Variants in VCL observed in about 807,000 individuals in gnomAD.
VCL encodes vinculin, also known as epididymis luminal protein 114.
A neutral mutation model predicts 125.7 loss-of-function variants in VCL; 47 were observed. The ratio of observed to expected loss-of-function variants is 0.37; its 90% CI spans 0.30 to 0.48. VCL has a LOEUF of 0.48. VCL is among the 20% of genes least tolerant of loss of function. The pLI is 0.99. For missense variants in VCL, 1,069 were observed against 1,455.5 expected (o/e 0.73, Z 4.32); for synonymous variants, 458 against 514.6 (o/e 0.89, Z 1.49).
At chr10:74,099,872 CAA>C (rs1017359623) in intron 13 of VCL, among the ~76,000 whole-genome samples, 1 of 152,162 alleles carries the variant, frequency 6.6e-6, no homozygotes, top group Non-Finnish European at 1.5e-5. Flanking sequence ...TAAATCCAAA[CAA>C]GAGGCTGGCG....
chr10:74,091,958 G>C (rs559230260), intron 10 of VCL, among the ~76,000 whole-genome samples: 1 of 152,058 alleles, frequency 6.6e-6, no homozygotes, highest in South Asian at 2.1e-4. Flanking sequence ...TGCCAGGCTG[G>C]AGTGCAGTGG....
intron 1 of VCL, among the ~76,000 whole-genome samples, chr10:74,040,246 C>T (rs528604336): frequency 2.3e-4 from 35 of 152,258 alleles, no homozygotes; most frequent in African/African-American, 7.2e-4. Context: ...CTGTAAGTTC[C>T]GTGAAGGCAG....
intron 1 of VCL, among the ~76,000 whole-genome samples, chr10:74,040,975 G>T (rs1443249762): frequency 6.6e-6 from 1 of 152,066 alleles, no homozygotes; most frequent in Non-Finnish European, 1.5e-5. Flanking sequence ...TTCCACCTCA[G>T]CCTCCCAAGC....
chr10:74,038,640 C>T (rs1841032046), intron 1 of VCL, among the ~76,000 whole-genome samples: 1 of 152,110 alleles, frequency 6.6e-6, no homozygotes, highest in Non-Finnish European at 1.5e-5. Flanking sequence ...AATAAATGCC[C>T]TTGAATATAT....
At chr10:74,060,655 C>CAAAAAAAAAAAAA (rs11398822) in intron 2 of VCL, among the ~76,000 whole-genome samples, 3 of 109,162 alleles carry the variant, frequency 2.7e-5, no homozygotes, top group Non-Finnish European at 3.7e-5. Context: ...GACTCTGTCT[C>CAAAAAAAAAAAAA]AAAAAAAAAA....
In VCL at chr10:74,097,137, A is replaced by G; in HGVS notation, c.1744-67A>G. ...ATAGATGAATGAATGTCAGTGAAGT[A>G]AGGGCATTAGTAGATATGCTTTGAG... On this transcript the variant is annotated intron_variant, in intron 12 of 21. Coordinates refer to ENST00000211998, the MANE Select transcript of VCL (RefSeq NM_014000.3). The surrounding 1 kb of genome is among the most constrained non-coding windows in gnomAD (Gnocchi z 4.1). 3.8e-6 allele frequency: 6 copies of G among 1,592,068 alleles called. No homozygotes were observed. The highest frequency in any genetic ancestry group is 4.3e-6 in the Non-Finnish European group (5 of 1,167,684).
chr10:74,004,814 C>G (rs1840290444), intron 1 of VCL, among the ~76,000 whole-genome samples: 1 of 151,940 alleles, frequency 6.6e-6, no homozygotes, highest in African/African-American at 2.4e-5. Context: ...AAGCGATTCT[C>G]CTGCCTCAGC....
intron 2 of VCL, among the ~76,000 whole-genome samples, chr10:74,054,694 G>T (rs756569958): frequency 2.6e-5 from 4 of 152,172 alleles, no homozygotes; most frequent in African/African-American, 9.7e-5. Context: ...GCCAGGGCAG[G>T]AGGATTACTT....
chr10:74,005,757 T>A, intron 1 of VCL, among the ~76,000 whole-genome samples: 1 of 152,232 alleles, frequency 6.6e-6, no homozygotes. Flanking sequence ...CCTATGCACA[T>A]CCTCCTGTAT....
At chr10:74,079,153 G>A (rs1401124123) in intron 6 of VCL, among the ~76,000 whole-genome samples, 3 of 152,144 alleles carry the variant, frequency 2.0e-5, no homozygotes, top group Non-Finnish European at 4.4e-5. Context: ...GGTATGCAGG[G>A]AAGAGTGCCA....
chr10:74,104,335 A>G (rs1015563515), intron 15 of VCL, among the ~76,000 whole-genome samples: 1 of 152,214 alleles, frequency 6.6e-6, no homozygotes, highest in African/African-American at 2.4e-5. Flanking sequence ...ACCATTTAAT[A>G]CAACTTGTCT....
chr10:74,048,211 A>G (rs960718468), intron 2 of VCL, among the ~76,000 whole-genome samples: 3 of 152,280 alleles, frequency 2.0e-5, no homozygotes, highest in Admixed American at 6.5e-5. Flanking sequence ...GCTCACGCCT[A>G]TAATCCCAGC....
rs564578124 is a variant in VCL at position 74,028,525 on chromosome 10, T to G, written c.169-14558T>G. The stretch of plus-strand genomic sequence containing the variant: ...AATTCTCCTGCCTCAGCCTCCCAAG[T>G]AGCTGGGATTACAAGCATCCACCAC... On this transcript the variant is annotated intron_variant, in intron 1 of 21. Transcript: ENST00000211998. 2.3e-3 allele frequency among the ~76,000 whole-genome samples: 344 copies of G among 151,648 alleles called. 1 individual carries two copies. Among genetic ancestry groups the G allele is most frequent in the African/African-American group, 8.1e-3 (335 of 41,296 alleles).
intron 6 of VCL, among the ~76,000 whole-genome samples, chr10:74,079,748 A>G (rs1839648246): frequency 6.6e-6 from 1 of 152,180 alleles, no homozygotes; most frequent in Admixed American, 6.5e-5. Context: ...GTTTGTTTTT[A>G]CTAGATATGA....
rs549275362 is a variant in VCL, at chr10:74,017,046, C to CTTTTTTTTTTTT, written c.168+18679_168+18690dup. Among the ~76,000 whole-genome samples the CTTTTTTTTTTTT allele has an allele frequency of 3.0e-3, 336 of 113,060 alleles. 36 individuals are homozygous for CTTTTTTTTTTTT. Among genetic ancestry groups the CTTTTTTTTTTTT allele is most frequent in the African/African-American group, 8.5e-3 (206 of 24,246 alleles). The allele number at this position is 113,060 out of a possible 152,430, so 74.2% of individuals were successfully genotyped here. A position where few individuals can be genotyped will look rare whatever the true frequency, so the allele number is the denominator to read the frequency against. ...TGTAGCATATGTCAGAATTTCCTTC[C>CTTTTTTTTTTTT]TTTTTTTTTTTTTTTTTTTGAGACG... On this transcript the variant is annotated intron_variant, in intron 1 of 21. Transcript: ENST00000211998.
At position 74,083,466 on chromosome 10, in the gene VCL, CA is replaced by C; in HGVS notation, c.979del (p.Met327CysfsTer2). On this transcript the variant is annotated frameshift_variant, in exon 8 of 22. Coordinates refer to ENST00000211998, the MANE Select transcript of VCL (RefSeq NM_014000.3). LOFTEE classifies it high-confidence loss of function. ...AACGCAGGGAGATTCTGGGAACTTG[CA>C]AAATGCTAGGGCAGATGACTGATCA... ...KERREILGTCKMLGQMTDQVA... is the reference protein window; with the variant it reads ...KERREILGTCXMLGQMTDQVA... 1 of 1,614,046 alleles carries C rather than the reference CA, an allele frequency of 6.2e-7. No homozygotes were observed. The highest frequency in any genetic ancestry group is 8.5e-7 in the Non-Finnish European group (1 of 1,179,956).
chr10:74,083,337 T>G (rs917448974), intron 7 of VCL, 29 bp from the exon 8 acceptor site: 1 of 1,611,710 alleles, frequency 6.2e-7, no homozygotes, highest in Non-Finnish European at 8.5e-7. Context: ...GTGTCAACAA[T>G]GTAGTTATTG....
At chr10:74,056,354 A>C (rs1471323331) in intron 2 of VCL, among the ~76,000 whole-genome samples, 2 of 152,080 alleles carry the variant, frequency 1.3e-5, no homozygotes, top group African/African-American at 2.4e-5. Context: ...TATAATTGAC[A>C]AATGGAAATT....
chr10:74,060,709 T>A (rs185234495), intron 2 of VCL, among the ~76,000 whole-genome samples: 32 of 152,034 alleles, frequency 2.1e-4, no homozygotes, highest in African/African-American at 7.0e-4. Flanking sequence ...TGTGGTAGTC[T>A]TTTTATAATC....
Sources: gnomAD v4.1 joint callset for allele counts (sites outside exome capture counted in the v4.1 genomes callset) on GRCh38, gnomAD v4.1.1 for gene constraint, Gnocchi (gnomAD v3.1) non-coding constraint, MANE v1.5 for transcripts, NCBI Gene and HGNC (gene_info 2026-07-23, HGNC 2026-07-21) for gene names.